Variants in RNF220 observed in about 807,000 individuals in gnomAD.
RNF220 encodes the protein ring finger protein 220.
Under a neutral mutation model 67.1 loss-of-function variants are expected in RNF220, and 7 were observed. The observed-to-expected ratio is 0.10, with a 90% confidence interval of 0.06 to 0.20. The LOEUF is 0.20. Among genes scored for constraint, RNF220 ranks in the 10% least tolerant of loss-of-function variants. The probability of loss-of-function intolerance (pLI) is 1.00; values close to 1 mark genes in which losing one functional copy is unlikely to be tolerated. For synonymous variants in RNF220, 270 were observed against 283.2 expected, an observed-to-expected ratio of 0.95 and a Z score of 0.47; for missense variants, 565 against 740.3, an observed-to-expected ratio of 0.76 and a Z score of 2.75.
intron 2 of RNF220, among the ~76,000 whole-genome samples, chr1:44,462,555 T>C (rs1653881445): frequency 1.3e-5 from 2 of 152,216 alleles, no homozygotes; most frequent in Admixed American, 6.5e-5. Context: ...CCTTGACATT[T>C]ATATAACAGT....
chr1:44,421,081 A>G (rs1170814466), intron 2 of RNF220, among the ~76,000 whole-genome samples: 2 of 152,276 alleles, frequency 1.3e-5, no homozygotes, highest in East Asian at 3.9e-4. Context: ...ATTATTATCC[A>G]TCCACCAGGA....
chr1:44,631,844 C>G, intron 5 of RNF220: 3 of 948,166 alleles, frequency 3.2e-6, no homozygotes, highest in African/African-American at 1.8e-5. Context: ...TGGGAGGGAC[C>G]CCGGGGAGGC....
intron 2 of RNF220, among the ~76,000 whole-genome samples, chr1:44,578,574 T>A (rs897940414): frequency 6.6e-6 from 1 of 152,226 alleles, no homozygotes; most frequent in African/African-American, 2.4e-5. Flanking sequence ...TCTACTATTA[T>A]TTGGATCCCA....
chr1:44,428,767 T>G (rs1300013446), intron 2 of RNF220, among the ~76,000 whole-genome samples: 1 of 152,142 alleles, frequency 6.6e-6, no homozygotes, highest in Non-Finnish European at 1.5e-5. Flanking sequence ...GGCAAGGAGA[T>G]TGTGGGGTCT....
chr1:44,587,133 CTCT>C (rs1162488197), intron 2 of RNF220, among the ~76,000 whole-genome samples: 3 of 148,096 alleles, frequency 2.0e-5, no homozygotes, highest in Non-Finnish European at 3.0e-5. Context: ...GTATCTTCTT[CTCT>C]TCTTCTTCCT....
chr1:44,584,433 C>T (rs984073995), intron 2 of RNF220, among the ~76,000 whole-genome samples: 1 of 152,218 alleles, frequency 6.6e-6, no homozygotes, highest in Admixed American at 6.5e-5. Context: ...AGCTGTGCAG[C>T]TTACTTAGCA....
At chr1:44,408,591 CTTG>C (rs1336000294) in intron 1 of RNF220, 4 of 152,114 alleles carry the variant, frequency 2.6e-5, no homozygotes, top group East Asian at 3.8e-4. Context: ...TTTTAAGTTC[CTTG>C]TTAATTTTTT....
chr1:44,462,180 G>T (rs1275384813), intron 2 of RNF220, among the ~76,000 whole-genome samples: 1 of 151,734 alleles, frequency 6.6e-6, no homozygotes, highest in Non-Finnish European at 1.5e-5. Context: ...TGATCCGCCC[G>T]CCTCGGCCTC....
rs1042541285 is a variant in RNF220, at chr1:44,651,190, T to A, written c.*415T>A. ...CAATGTTGTGTATAAATGGGACAAC[T>A]CCTCGCCCTCTACCTGTCCCCTCCC... On this transcript the variant is annotated 3_prime_UTR_variant, in exon 15 of 15. Transcript: ENST00000361799. 1 of 207,578 alleles carries A rather than the reference T, an allele frequency of 4.8e-6. No individual in the cohort carries two copies. Among genetic ancestry groups the A allele is most frequent in the Admixed American group, 4.9e-5 (1 of 20,338 alleles). 12.9% of individuals were successfully genotyped at this position (207,578 alleles called of 1,614,324 possible). A position where few individuals can be genotyped will look rare whatever the true frequency, so the allele number is the denominator to read the frequency against.
chr1:44,513,868 C>T (rs527276036), intron 2 of RNF220, among the ~76,000 whole-genome samples: 3 of 152,200 alleles, frequency 2.0e-5, no homozygotes, highest in East Asian at 1.9e-4. Flanking sequence ...TATGCCACAT[C>T]GCCAATGTCT....
At chr1:44,519,589 C>T (rs1490978309) in intron 2 of RNF220, among the ~76,000 whole-genome samples, 1 of 152,194 alleles carries the variant, frequency 6.6e-6, no homozygotes, top group Non-Finnish European at 1.5e-5. Flanking sequence ...GAAAGAAAAG[C>T]ACTCAGAGAA....
At chr1:44,577,535 A>G (rs1664898643) in intron 2 of RNF220, among the ~76,000 whole-genome samples, 1 of 152,264 alleles carries the variant, frequency 6.6e-6, no homozygotes, top group East Asian at 1.9e-4. Context: ...ATAGGCATCT[A>G]CTCTGTGTTC....
At chr1:44,616,866 T>C (rs1047661815) in intron 3 of RNF220, among the ~76,000 whole-genome samples, 1 of 152,092 alleles carries the variant, frequency 6.6e-6, no homozygotes, top group Admixed American at 6.5e-5. Context: ...CACACTACAG[T>C]GCAGTCCCAG....
In RNF220 at chr1:44,632,486, G is replaced by T. The variant is rs571551415; in HGVS notation, c.949+101G>T. ...GCTTGCCTGGGTCTCTTCGACTCTGGGGCCCGTTGGCTTCTTCGCAGTCAC... is the reference window on the plus strand; with the variant it reads ...GCTTGCCTGGGTCTCTTCGACTCTGTGGCCCGTTGGCTTCTTCGCAGTCAC... On this transcript the variant is annotated intron_variant, in intron 6 of 14. Coordinates refer to ENST00000361799, the MANE Select transcript of RNF220 (RefSeq NM_018150.4). 6 of 1,194,934 alleles carry T rather than the reference G, an allele frequency of 5.0e-6. No homozygotes were observed. In the East Asian group the frequency reaches 1.3e-4, roughly 26 times the overall value. The allele number at this position is 1,194,934 out of a possible 1,614,324, so 74.0% of individuals were successfully genotyped here. A position where few individuals can be genotyped will look rare whatever the true frequency, so the allele number is the denominator to read the frequency against.
chr1:44,623,876 A>G (rs1643875178), intron 4 of RNF220, among the ~76,000 whole-genome samples: 1 of 152,180 alleles, frequency 6.6e-6, no homozygotes, highest in African/African-American at 2.4e-5. Context: ...TCAAACAGGG[A>G]AAGACTGGAG....
At chr1:44,473,665 T>C (rs1183944569) in intron 2 of RNF220, among the ~76,000 whole-genome samples, 1 of 152,082 alleles carries the variant, frequency 6.6e-6, no homozygotes, top group African/African-American at 2.4e-5. Flanking sequence ...TGAAGATAAT[T>C]TCCTTCAGAG....
rs147759221 is a variant in RNF220, at chr1:44,412,290, G to A, written c.193G>A (p.Gly65Ser). The stretch of plus-strand genomic sequence containing the variant: ...GGACGTGCATATTCCTTTCACCAAC[G>A]GTTCCTATACCTTTGCCTCTATGTA... ...DKDVHIPFTN[G>S]SYTFASMYHR... The change falls in exon 2 of 15, where the codon GGT (glycine) becomes AGT (serine). Residue 65 changes from glycine to serine, a missense_variant. Gly to Ser is a moderately conservative substitution (Grantham distance 56). Transcript: ENST00000361799. This position sits in a 1 kb window ranked among gnomAD's most constrained non-coding sequence, Gnocchi z 5.3. 882 of 1,614,170 alleles carry A rather than the reference G, an allele frequency of 5.5e-4. 5 individuals carry two copies. The highest frequency in any genetic ancestry group is 6.0e-5 in the Non-Finnish European group (71 of 1,180,032).
rs1309443360 is a variant in RNF220 at position 44,417,415 on chromosome 1, G to C, written c.625+4693G>C. Among the ~76,000 whole-genome samples, 1 of 152,166 alleles carries C rather than the reference G, an allele frequency of 6.6e-6. No individual in the cohort carries two copies. The highest frequency in any genetic ancestry group is 1.5e-5 in the Non-Finnish European group (1 of 68,010). On this transcript the variant is annotated intron_variant, in intron 2 of 14. Transcript: ENST00000361799. The surrounding 1 kb of genome is among the most constrained non-coding windows in gnomAD (Gnocchi z 4.0). ...AGCTAAAGTGGGGCCAGGCTGGACGGGAGCAGTCCCTGATGGCTGCAGAGC... is the reference window on the plus strand; with the variant it reads ...AGCTAAAGTGGGGCCAGGCTGGACGCGAGCAGTCCCTGATGGCTGCAGAGC...
intron 2 of RNF220, among the ~76,000 whole-genome samples, chr1:44,501,826 G>A (rs536281673): frequency 1.8e-4 from 27 of 152,114 alleles, no homozygotes; most frequent in East Asian, 1.4e-3. Context: ...TGTTTTCTCC[G>A]CTCTTACCCT....
Sources: gnomAD v4.1 joint callset for allele counts (sites outside exome capture counted in the v4.1 genomes callset) on GRCh38, gnomAD v4.1.1 for gene constraint, Gnocchi (gnomAD v3.1) non-coding constraint, MANE v1.5 for transcripts, NCBI Gene and HGNC (gene_info 2026-07-23, HGNC 2026-07-21) for gene names.